GUCD1: variants seen among roughly 807,000 people sequenced by gnomAD.
GUCD1 encodes guanylyl cyclase domain containing 1, also known as protein GUCD1.
GUCD1 carries 17 observed loss-of-function variants against 28.3 expected under a neutral mutation model. The ratio of observed to expected loss-of-function variants is 0.60; its 90% CI spans 0.41 to 0.90. The LOEUF (loss-of-function observed/expected upper bound fraction) is 0.90. Among genes scored for constraint, GUCD1 ranks in the 40% least tolerant of loss-of-function variants. The probability of loss-of-function intolerance (pLI) is 0.00; values close to 1 mark genes in which losing one functional copy is unlikely to be tolerated. For synonymous variants in GUCD1, 129 were observed against 123.3 expected (o/e 1.05, Z -0.30); for missense variants, 279 against 305.5 (o/e 0.91, Z 0.65).
chr22:24,554,847 G>A, intron 1 of GUCD1, 102 bp downstream of exon 1: 1 of 863,486 alleles, frequency 1.2e-6, no homozygotes, highest in Non-Finnish European at 1.8e-6. Context: ...TGGGGGCGAG[G>A]CGGGAGTCGG....
intron 1 of GUCD1, among the ~76,000 whole-genome samples, chr22:24,550,073 G>A (rs980991644): frequency 1.3e-5 from 2 of 152,254 alleles, no homozygotes; most frequent in Non-Finnish European, 2.9e-5. Context: ...CAGGCTGTGA[G>A]GTGGAGCAGA....
At chr22:24,547,614 G>A (rs762283) in intron 3 of GUCD1, 58,802 of 368,838 alleles carry the variant, frequency 0.16, 5,722 homozygotes, top group Admixed American at 0.3. Flanking sequence ...AGGACAGTAG[G>A]AAAGAACGTA....
intron 4 of GUCD1, among the ~76,000 whole-genome samples, chr22:24,544,881 G>A (rs964845814): frequency 6.6e-5 from 10 of 152,138 alleles, no homozygotes; most frequent in African/African-American, 2.2e-4. Context: ...GGCGTGGGGC[G>A]TGGTGGTATG....
At position 24,554,457 on chromosome 22, in the gene GUCD1, TC is replaced by T. The variant is rs1275360725; in HGVS notation, c.43+491del. Among the ~76,000 whole-genome samples the T allele has an allele frequency of 3.3e-5, 5 of 152,220 alleles. No individual in the cohort carries two copies. In the East Asian group the frequency reaches 9.7e-4, roughly 29 times the overall value. ...CTTCAGCAGGACAGGAATCACGTCT[TC>T]CCCCTCCCCTACGTCTTGGGCAAGC... On this transcript the variant is annotated intron_variant, in intron 1 of 5. Coordinates refer to ENST00000435822, the MANE Select transcript of GUCD1 (RefSeq NM_001284254.2).
At chr22:24,543,237 C>G in intron 5 of GUCD1, 140 bp from the exon 6 acceptor site, 1 of 652,378 alleles carries the variant, frequency 1.5e-6, no homozygotes, top group Non-Finnish European at 2.8e-6. Context: ...TCCTCCACCC[C>G]CAGGAAGCCC....
rs1424195573 is a variant in GUCD1 at position 24,541,458 on chromosome 22, T to A, written c.*1548A>T. 1 of 152,140 alleles carries A rather than the reference T, an allele frequency of 6.6e-6. No homozygotes were observed. Among genetic ancestry groups the A allele is most frequent in the African/African-American group, 2.4e-5 (1 of 41,424 alleles). The allele number at this position is 152,140 out of a possible 1,614,324, so 9.4% of individuals were successfully genotyped here. A position where few individuals can be genotyped will look rare whatever the true frequency, so the allele number is the denominator to read the frequency against. On this transcript the variant is annotated 3_prime_UTR_variant, in exon 6 of 6. Transcript: ENST00000435822. Reference sequence around the variant, plus strand: ...GCCTGGCCAACATGGCGAAGCCTGGTCTCTACTAAAAATACAAAAAAATTA... The same window carrying A: ...GCCTGGCCAACATGGCGAAGCCTGGACTCTACTAAAAATACAAAAAAATTA...
intron 1 of GUCD1, 121 bp from the exon 2 acceptor site, chr22:24,549,122 C>A (rs1359675343): frequency 6.3e-6 from 4 of 632,802 alleles, no homozygotes; most frequent in Non-Finnish European, 8.5e-6. Context: ...GGGACCTTCC[C>A]ACAATCCTTC....
intron 2 of GUCD1, 95 bp downstream of exon 2, chr22:24,548,822 C>G: frequency 1.1e-6 from 1 of 921,616 alleles, no homozygotes; most frequent in African/African-American, 1.7e-5. Context: ...CCAAAGATAG[C>G]TACATGGACC....
At chr22:24,549,864 A>G (rs1170245721) in intron 1 of GUCD1, among the ~76,000 whole-genome samples, 1 of 152,126 alleles carries the variant, frequency 6.6e-6, no homozygotes, top group Non-Finnish European at 1.5e-5. Flanking sequence ...GGGCTGGCAC[A>G]TGGGAGGCAC....
upstream of GUCD1, chr22:24,555,220 T>C: frequency 7.7e-7 from 1 of 1,297,644 alleles, no homozygotes; most frequent in Non-Finnish European, 9.7e-7. Context: ...GCCCCAAACT[T>C]TGATCTTAGA....
At position 24,544,272 on chromosome 22, in the gene GUCD1, G is replaced by C. The variant is rs375586199; in HGVS notation, c.387-189C>G. The stretch of plus-strand genomic sequence containing the variant: ...AGAGCCAAGCAGGAGACCGGTGGGG[G>C]GGGTGTGTGTGTGTGTCTGAATGTG... On this transcript the variant is annotated intron_variant, in intron 4 of 5. Transcript: ENST00000435822. Among the ~76,000 whole-genome samples, 4 of 147,612 alleles carry C rather than the reference G, an allele frequency of 2.7e-5. No individual in the cohort carries two copies. In the South Asian group the frequency reaches 8.4e-4, roughly 31 times the overall value.
At chr22:24,550,800 G>GCCA (rs77698916) in intron 1 of GUCD1, among the ~76,000 whole-genome samples, 35,133 of 152,006 alleles carry the variant, frequency 0.23, 4,912 homozygotes, top group African/African-American at 0.4. Context: ...TGGCTCAGAG[G>GCCA]CCATTTCCAG....
chr22:24,545,023 T>TAA (rs771666191), intron 4 of GUCD1, among the ~76,000 whole-genome samples: 4 of 138,260 alleles, frequency 2.9e-5, no homozygotes, highest in Non-Finnish European at 4.7e-5. Flanking sequence ...CCCTGTCTCT[T>TAA]AAAAAAAAAA....
Position 24,542,994 on chromosome 22 carries a change from AG to A in GUCD1, c.*11del, listed in dbSNP as rs1392153671. The A allele has an allele frequency of 3.4e-5, 54 of 1,601,508 alleles. No individual in the cohort carries two copies. Among genetic ancestry groups the A allele is most frequent in the Non-Finnish European group, 4.4e-5 (51 of 1,168,818 alleles). On this transcript the variant is annotated 3_prime_UTR_variant, in exon 6 of 6. Coordinates refer to ENST00000435822, the MANE Select transcript of GUCD1 (RefSeq NM_001284254.2). ...TGGGGTCCGAGGGCCTAGGCGCACC[AG>A]GCTCCTGCTGTCAGCTGTCCAAGTA...
intron 4 of GUCD1, among the ~76,000 whole-genome samples, chr22:24,545,496 C>T (rs2147075989): frequency 6.6e-6 from 1 of 152,186 alleles, no homozygotes; most frequent in Non-Finnish European, 1.5e-5. Flanking sequence ...CAACAGCTTT[C>T]CCACTCAAGG....
Position 24,555,116 on chromosome 22 carries a change from G to C in GUCD1, c.-125C>G, listed in dbSNP as rs1009884822. The C allele has an allele frequency of 7.2e-5, 95 of 1,317,638 alleles. No homozygotes were observed. The highest frequency in any genetic ancestry group is 1.9e-4 in the South Asian group (9 of 46,808). The allele number at this position is 1,317,638 out of a possible 1,614,324, so 81.6% of individuals were successfully genotyped here. On this transcript the variant is annotated 5_prime_UTR_variant, in exon 1 of 6. Coordinates refer to ENST00000435822, the MANE Select transcript of GUCD1 (RefSeq NM_001284254.2). Reference sequence around the variant, plus strand: ...TCTCCGCCACCGCCGCCGCTGCGGAGGAGAGAACGGGAGGCGGCGGCTGGG... The same window carrying C: ...TCTCCGCCACCGCCGCCGCTGCGGACGAGAGAACGGGAGGCGGCGGCTGGG...
At chr22:24,546,802 C>T in intron 4 of GUCD1, 112 bp downstream of exon 4, 1 of 970,136 alleles carries the variant, frequency 1.0e-6, no homozygotes, top group East Asian at 2.4e-5. Flanking sequence ...CCAGTTCTGC[C>T]TGGCTCCAGA....
At chr22:24,555,472 C>T (rs189222486), upstream of GUCD1, 3,894 of 1,187,372 alleles carry the variant, frequency 3.3e-3, 7 homozygotes, top group Non-Finnish European at 4.2e-3. Flanking sequence ...GGTGTAAGCC[C>T]TGATCCCGCC....
upstream of GUCD1, chr22:24,555,852 A>T: frequency 6.5e-7 from 1 of 1,536,982 alleles, no homozygotes; most frequent in Non-Finnish European, 8.7e-7. Context: ...TGCCGGAACT[A>T]TCGTACTGGT....
Sources: allele counts gnomAD v4.1 joint callset (sites outside exome capture counted in the v4.1 genomes callset), GRCh38; gene constraint gnomAD v4.1.1; transcripts MANE v1.5; gene names NCBI Gene and HGNC (gene_info 2026-07-23, HGNC 2026-07-21).